The following CCND2 variants were observed in gnomAD, a reference collection of about 807,000 sequenced individuals.
CCND2 encodes the protein cyclin D2.
In CCND2, 6 loss-of-function variants were observed where a neutral mutation model predicts 30.2. The ratio of observed to expected loss-of-function variants is 0.20; its 90% confidence interval spans 0.11 to 0.39. The LOEUF (loss-of-function observed/expected upper bound fraction) is 0.39. CCND2 is among the 10% of genes least tolerant of loss of function. The pLI is 1.00. For missense variants in CCND2, 235 were observed against 373.4 expected, an observed-to-expected ratio of 0.63 and a Z score of 3.06; for synonymous variants, 150 against 153.1, an observed-to-expected ratio of 0.98 and a Z score of 0.15.
chr12:4,281,280 T>A (rs3217821), intron 3 of CCND2, among the ~76,000 whole-genome samples: 56 of 152,320 alleles, frequency 3.7e-4, no homozygotes, highest in African/African-American at 1.3e-3. Flanking sequence ...TGCAACTGAC[T>A]GAGTCACATA....
At chr12:4,275,478 T>C in intron 1 of CCND2, 2 of 93,644 alleles carry the variant, frequency 2.1e-5, no homozygotes, top group Admixed American at 1.1e-4. Flanking sequence ...CCCCCTCTCT[T>C]CCCCACCTCT....
chr12:4,274,508 G>C lies in CCND2; in HGVS notation c.195+273G>C, dbSNP rs1863835808. Among the ~76,000 whole-genome samples, 1 of 152,244 alleles carries C rather than the reference G, an allele frequency of 6.6e-6. No individual in the cohort carries two copies. Among genetic ancestry groups the C allele is most frequent in the African/African-American group, 2.4e-5 (1 of 41,470 alleles). ...ATCCCGCGCGCGTGTTCCTGCATGT[G>C]GCTGCCTCTTCTTCCCACCCCCCTC... On this transcript the variant is annotated intron_variant, in intron 1 of 4. Transcript: ENST00000261254. This position sits in a 1 kb window ranked among gnomAD's most constrained non-coding sequence, Gnocchi z 7.7.
At chr12:4,289,331 C>T (rs3217855) in intron 4 of CCND2, among the ~76,000 whole-genome samples, 12,330 of 151,930 alleles carry the variant, frequency 0.081, 825 homozygotes, top group East Asian at 0.2. Flanking sequence ...TGCCCGGCAG[C>T]GAAGAGCTGC....
rs3217839 is a variant in CCND2, at chr12:4,285,377, A to G, written c.572-3465A>G. 2 of 985,296 alleles carry G rather than the reference A, an allele frequency of 2.0e-6. No homozygotes were observed. Among genetic ancestry groups the G allele is most frequent in the African/African-American group, 1.7e-5 (1 of 57,238 alleles). The allele number at this position is 985,296 out of a possible 1,614,324, so 61.0% of individuals were successfully genotyped here. A position where few individuals can be genotyped will look rare whatever the true frequency, so the allele number is the denominator to read the frequency against. ...CCCTGAGCGTGCCTTCTGCACCAGC[A>G]TATTGCTTGTTGGCATTTTTGATCA... On this transcript the variant is annotated intron_variant, in intron 3 of 4. Transcript: ENST00000261254. This position sits in a 1 kb window ranked among gnomAD's most constrained non-coding sequence, Gnocchi z 4.1.
chr12:4,273,935 AAGG>A lies in CCND2; in HGVS notation c.-102_-100del. On this transcript the variant is annotated 5_prime_UTR_variant, in exon 1 of 5. Coordinates refer to ENST00000261254, the MANE Select transcript of CCND2 (RefSeq NM_001759.4). The surrounding 1 kb of genome is among the most constrained non-coding windows in gnomAD (Gnocchi z 5.9). ...CGAAAACCCCCTATTTAGCCAAAGG[AAGG>A]AGGTCAGGGGAACGCTCTCCCCTCC... 9.1e-7 allele frequency: 1 copy of A among 1,104,568 alleles called. No individual in the cohort carries two copies. Among genetic ancestry groups the A allele is most frequent in the Non-Finnish European group, 1.3e-6 (1 of 784,842 alleles). 68.4% of individuals were successfully genotyped at this position (1,104,568 alleles called of 1,614,324 possible).
chr12:4,284,963 G>A (rs953595949), intron 3 of CCND2, among the ~76,000 whole-genome samples: 4 of 151,822 alleles, frequency 2.6e-5, no homozygotes, highest in South Asian at 2.1e-4. Context: ...CTCGAACTTC[G>A]GACCTCAGGT....
In CCND2 at chr12:4,285,699, G is replaced by A. The variant is rs1279171643; in HGVS notation, c.572-3143G>A. On this transcript the variant is annotated intron_variant, in intron 3 of 4. Transcript: ENST00000261254. This position sits in a 1 kb window ranked among gnomAD's most constrained non-coding sequence, Gnocchi z 4.1. Reference sequence around the variant, plus strand: ...AAGCTGATGGTTTCCAGGAATGGCTGCATTGGGTAGGTGGAGCTTTCCACA... The same window carrying A: ...AAGCTGATGGTTTCCAGGAATGGCTACATTGGGTAGGTGGAGCTTTCCACA... Among the ~76,000 whole-genome samples, 2 of 152,220 alleles carry A rather than the reference G, an allele frequency of 1.3e-5. No homozygotes were observed. Among genetic ancestry groups the A allele is most frequent in the East Asian group, 1.9e-4 (1 of 5,204 alleles).
rs1346746797 is a variant in CCND2, at chr12:4,305,014, T to C, written c.*5005T>C. The C allele has an allele frequency of 4.3e-6, 1 of 232,986 alleles. No individual in the cohort carries two copies. Among genetic ancestry groups the C allele is most frequent in the Non-Finnish European group, 8.5e-6 (1 of 117,928 alleles). 14.4% of individuals were successfully genotyped at this position (232,986 alleles called of 1,614,324 possible). On this transcript the variant is annotated 3_prime_UTR_variant, in exon 5 of 5. Coordinates refer to ENST00000261254, the MANE Select transcript of CCND2 (RefSeq NM_001759.4). The surrounding 1 kb of genome is among the most constrained non-coding windows in gnomAD (Gnocchi z 6.4). Reference sequence around the variant, plus strand: ...CTTTTCTTTTTCTTTTTTTTTTTGCTTTAAAACAAGTGTGATGCCATATCA... The same window carrying C: ...CTTTTCTTTTTCTTTTTTTTTTTGCCTTAAAACAAGTGTGATGCCATATCA...
At chr12:4,283,176 G>A (rs954175356) in intron 3 of CCND2, among the ~76,000 whole-genome samples, 2 of 152,200 alleles carry the variant, frequency 1.3e-5, no homozygotes, top group African/African-American at 4.8e-5. Context: ...ATACCAAGTT[G>A]ATGAAATGGA....
Position 4,281,187 on chromosome 12 carries a change from T to G in CCND2, c.571+2268T>G, listed in dbSNP as rs981726658. On this transcript the variant is annotated intron_variant, in intron 3 of 4. Coordinates refer to ENST00000261254, the MANE Select transcript of CCND2 (RefSeq NM_001759.4). The stretch of plus-strand genomic sequence containing the variant: ...AGGCGTTGACAGGGCAGAGCACAGG[T>G]AGGTCCTCGGCAGTTTCCTGGGTCT... Among the ~76,000 whole-genome samples, 9 of 152,196 alleles carry G rather than the reference T, an allele frequency of 5.9e-5. 1 individual carries two copies. The highest frequency in any genetic ancestry group is 4.6e-4 in the Admixed American group (7 of 15,282).
chr12:4,280,199 G>A (rs542242388), intron 3 of CCND2, among the ~76,000 whole-genome samples: 4 of 152,400 alleles, frequency 2.6e-5, no homozygotes, highest in African/African-American at 9.6e-5. Context: ...AAACCGAAGT[G>A]TAGGTTGGAC....
At chr12:4,296,333 CG>C (rs1300299011) in intron 4 of CCND2, among the ~76,000 whole-genome samples, 1 of 152,318 alleles carries the variant, frequency 6.6e-6, no homozygotes, top group East Asian at 1.9e-4. Flanking sequence ...CAGGATCGGC[CG>C]GGAGGCGAGA....
chr12:4,285,438 G>A lies in CCND2; in HGVS notation c.572-3404G>A, dbSNP rs956661955. 4 of 984,798 alleles carry A rather than the reference G, an allele frequency of 4.1e-6. No individual in the cohort carries two copies. Among genetic ancestry groups the A allele is most frequent in the Non-Finnish European group, 4.8e-6 (4 of 829,398 alleles). The allele number at this position is 984,798 out of a possible 1,614,324, so 61.0% of individuals were successfully genotyped here. ...CAGACTGCTGAGAAATTTGTACCTGGTTTTTATTTGTTAAAATAATATTAC... is the reference window on the plus strand; with the variant it reads ...CAGACTGCTGAGAAATTTGTACCTGATTTTTATTTGTTAAAATAATATTAC... On this transcript the variant is annotated intron_variant, in intron 3 of 4. Transcript: ENST00000261254. This position sits in a 1 kb window ranked among gnomAD's most constrained non-coding sequence, Gnocchi z 4.1.
At chr12:4,292,378 T>C (rs1306236743) in intron 4 of CCND2, among the ~76,000 whole-genome samples, 1 of 152,124 alleles carries the variant, frequency 6.6e-6, no homozygotes, top group Non-Finnish European at 1.5e-5. Context: ...TGTCAGCTCC[T>C]ACACACCTTG....
rs908322396 is a variant in CCND2, at chr12:4,276,684, C to A, written c.411+464C>A. Among the ~76,000 whole-genome samples the A allele has an allele frequency of 6.6e-6, 1 of 152,170 alleles. No individual in the cohort carries two copies. Among genetic ancestry groups the A allele is most frequent in the Admixed American group, 6.5e-5 (1 of 15,278 alleles). On this transcript the variant is annotated intron_variant, in intron 2 of 4. Coordinates refer to ENST00000261254, the MANE Select transcript of CCND2 (RefSeq NM_001759.4). This position sits in a 1 kb window ranked among gnomAD's most constrained non-coding sequence, Gnocchi z 4.8. Reference sequence around the variant, plus strand: ...TCTATATCTACAAAGTCTCAAGATACCAACACATAATAGCTGTTCACTAAA... The same window carrying A: ...TCTATATCTACAAAGTCTCAAGATAACAACACATAATAGCTGTTCACTAAA...
Position 4,274,076 on chromosome 12 carries a change from C to T in CCND2, c.36C>T (p.Arg12=), listed in dbSNP as rs374125669. ...TGTGCCACGAGGTGGACCCGGTCCG[C>T]AGGGCCGTGCGGGACCGCAACCTGC... ...ELLCHEVDPV[R]RAVRDRNLLR... Residue 12 remains arginine (R), a synonymous_variant, in exon 1 of 5, where the codon CGC becomes CGT. Coordinates refer to ENST00000261254, the MANE Select transcript of CCND2 (RefSeq NM_001759.4). This position sits in a 1 kb window ranked among gnomAD's most constrained non-coding sequence, Gnocchi z 7.7. 3 of 1,613,156 alleles carry T rather than the reference C, an allele frequency of 1.9e-6. No homozygotes were observed. Among genetic ancestry groups the T allele is most frequent in the South Asian group, 1.1e-5 (1 of 90,956 alleles).
intron 1 of CCND2, chr12:4,275,190 TC>T (rs1863850918): frequency 1.3e-5 from 2 of 152,144 alleles, no homozygotes; most frequent in African/African-American, 2.4e-5. Flanking sequence ...GTCACCGCGT[TC>T]CCTAGTTTCT....
chr12:4,277,943 G>A (rs1230647520), intron 2 of CCND2, among the ~76,000 whole-genome samples: 2 of 152,132 alleles, frequency 1.3e-5, no homozygotes, highest in Admixed American at 6.5e-5. Context: ...AGTGAAAGAG[G>A]GAAACAAGGT....
At chr12:4,277,469 GT>G (rs1170292802) in intron 2 of CCND2, among the ~76,000 whole-genome samples, 1 of 152,222 alleles carries the variant, frequency 6.6e-6, no homozygotes, top group Non-Finnish European at 1.5e-5. Context: ...GAACCAATTT[GT>G]TTTTCTCATG....
Sources: gnomAD v4.1 joint callset for allele counts (sites outside exome capture counted in the v4.1 genomes callset) on GRCh38, gnomAD v4.1.1 for gene constraint, Gnocchi (gnomAD v3.1) non-coding constraint, MANE v1.5 for transcripts, NCBI Gene and HGNC (gene_info 2026-07-23, HGNC 2026-07-21) for gene names.